The following TCF7 variants were observed in gnomAD, a reference collection of about 807,000 sequenced individuals.
TCF7 encodes T-cell-factor-7.
In TCF7, 19 loss-of-function variants were observed where a neutral mutation model predicts 46.8. The ratio of observed to expected loss-of-function variants is 0.41; its 90% CI spans 0.28 to 0.60. The LOEUF (loss-of-function observed/expected upper bound fraction) is 0.60, where lower values mean the gene tolerates loss of function less well. TCF7 is among the 20% of genes least tolerant of loss of function. The probability of loss-of-function intolerance (pLI) is 0.35; values close to 1 mark genes in which losing one functional copy is unlikely to be tolerated. For synonymous variants in TCF7, 245 were observed against 213.4 expected (o/e 1.15, Z -1.29); for missense variants, 547 against 504.6 (o/e 1.08, Z -0.81).
At chr5:134,115,838 C>G (rs541451667) in intron 2 of TCF7, 71 bp from the exon 3 acceptor site, 57 of 1,603,614 alleles carry the variant, frequency 3.6e-5, no homozygotes, top group Admixed American at 6.9e-5. Context: ...CTTTTTCTCT[C>G]AAGAGCAGAC....
chr5:134,114,732 T>A lies in TCF7; in HGVS notation c.-175T>A, dbSNP rs2149260296. 1.9e-6 allele frequency: 1 copy of A among 538,202 alleles called. No homozygotes were observed. The highest frequency in any genetic ancestry group is 2.2e-5 in the African/African-American group (1 of 45,650). 33.3% of individuals were successfully genotyped at this position (538,202 alleles called of 1,614,324 possible). On this transcript the variant is annotated 5_prime_UTR_variant, in exon 1 of 10. Transcript: ENST00000342854. ...CCGACCCGCCAGCTCGCGGAGCCGC[T>A]CTGCCCCGCGCCCTAGCCCGCGCCT...
chr5:134,127,734 A>G (rs2149306273), intron 3 of TCF7, among the ~76,000 whole-genome samples: 1 of 152,222 alleles, frequency 6.6e-6, no homozygotes, highest in African/African-American at 2.4e-5. Flanking sequence ...GCCGCCTCCC[A>G]TCCTCTCTGG....
At chr5:134,110,773 T>G (rs762233334), upstream of TCF7, among the ~76,000 whole-genome samples, 37 of 152,258 alleles carry the variant, frequency 2.4e-4, no homozygotes, top group Non-Finnish European at 4.0e-4. Context: ...AGACGTTTTC[T>G]GGAAATGCCA....
chr5:134,111,486 GTA>G (rs757528005), upstream of TCF7, among the ~76,000 whole-genome samples: 27 of 152,116 alleles, frequency 1.8e-4, no homozygotes, highest in Non-Finnish European at 3.8e-4. Flanking sequence ...TATCATCTGT[GTA>G]TGTGATCTGA....
At chr5:134,126,888 C>CTCTA (rs1757420752) in intron 3 of TCF7, among the ~76,000 whole-genome samples, 2 of 149,270 alleles carry the variant, frequency 1.3e-5, no homozygotes. Flanking sequence ...CAGAGCTAGA[C>CTCTA]TCTATCTCAA....
intron 3 of TCF7, among the ~76,000 whole-genome samples, chr5:134,133,662 G>A (rs772594110): frequency 6.6e-6 from 1 of 152,134 alleles, no homozygotes; most frequent in Non-Finnish European, 1.5e-5. Context: ...CATGAATGTG[G>A]GAGGGACTGG....
chr5:134,144,998 C>A, intron 9 of TCF7: 1 of 795,348 alleles, frequency 1.3e-6, no homozygotes, highest in Non-Finnish European at 2.2e-6. Context: ...AGATTGGGAG[C>A]CCAGGCCTCC....
At chr5:134,144,158 C>T (rs917780688) in intron 9 of TCF7, 1 of 161,322 alleles carries the variant, frequency 6.2e-6, no homozygotes, top group African/African-American at 2.4e-5. Context: ...GGCCTCCTTC[C>T]TAAGGGTGAA....
rs140698692 is a variant in TCF7 at position 134,142,597 on chromosome 5, G to A, written c.756-124G>A. 1.3e-4 allele frequency: 165 copies of A among 1,313,094 alleles called. No homozygotes were observed. In the East Asian group the frequency reaches 3.9e-3, roughly 31 times the overall value. 81.3% of individuals were successfully genotyped at this position (1,313,094 alleles called of 1,614,324 possible). Reference sequence around the variant, plus strand: ...CACCCATTTGGGGGCAGCTAGGAAAGATTCCACTTAGAAAACTCTGGTATC... The same window carrying A: ...CACCCATTTGGGGGCAGCTAGGAAAAATTCCACTTAGAAAACTCTGGTATC... On this transcript the variant is annotated intron_variant, in intron 6 of 9. Transcript: ENST00000342854.
At chr5:134,145,596 AC>A in intron 9 of TCF7, 2 of 821,844 alleles carry the variant, frequency 2.4e-6, no homozygotes, top group African/African-American at 1.7e-5. Flanking sequence ...TCTAAGGAAC[AC>A]TTGTCCAGCC....
At chr5:134,124,863 T>C (rs779407376) in intron 3 of TCF7, among the ~76,000 whole-genome samples, 5 of 152,166 alleles carry the variant, frequency 3.3e-5, no homozygotes, top group Non-Finnish European at 5.9e-5. Context: ...CACTCCACCA[T>C]GTCTGAGCTG....
At chr5:134,122,265 T>C (rs1756696261) in intron 3 of TCF7, among the ~76,000 whole-genome samples, 1 of 152,048 alleles carries the variant, frequency 6.6e-6, no homozygotes, top group Admixed American at 6.5e-5. Context: ...GGTTTGCCCC[T>C]CCTCTGGAAA....
At chr5:134,144,621 T>C (rs1760399665) in intron 9 of TCF7, 1 of 599,074 alleles carries the variant, frequency 1.7e-6, no homozygotes. Context: ...GGCTCTGGGC[T>C]CTTGGGCTCC....
Position 134,142,856 on chromosome 5 carries a change from T to C in TCF7, c.891T>C (p.Ala297=). The C allele has an allele frequency of 6.2e-7, 1 of 1,614,078 alleles. No individual in the cohort carries two copies. The highest frequency in any genetic ancestry group is 8.5e-7 in the Non-Finnish European group (1 of 1,179,944). The change falls in exon 7 of 10, where the codon GCT becomes GCC. Residue 297 remains alanine, a synonymous_variant. Coordinates refer to ENST00000342854, the MANE Select transcript of TCF7 (RefSeq NM_003202.5). The stretch of plus-strand genomic sequence containing the variant: ...CAGAGTGCACACTTAAGGAGAGCGC[T>C]GCCATCAACCAGATCCTGGGCCGCA... ...VIAECTLKES[A]AINQILGRRW... is the part of the protein sequence containing the mutation.
intron 3 of TCF7, among the ~76,000 whole-genome samples, chr5:134,126,766 A>C (rs917516495): frequency 6.6e-6 from 1 of 152,078 alleles, no homozygotes; most frequent in South Asian, 2.1e-4. Context: ...GTGCGGTGGC[A>C]CACGCCTGTA....
intron 5 of TCF7, chr5:134,140,981 T>TGTTA (rs1315774162): frequency 1.2e-5 from 4 of 324,814 alleles, no homozygotes; most frequent in African/African-American, 2.2e-5. Context: ...GCTTGCCCTG[T>TGTTA]GTTAGTCGTT....
At chr5:134,123,480 A>AG in intron 3 of TCF7, 1 of 332,488 alleles carries the variant, frequency 3.0e-6, no homozygotes. Flanking sequence ...GAGGAGGGAG[A>AG]GGCCAGTGGG....
intron 2 of TCF7, chr5:134,115,675 G>A: frequency 2.1e-6 from 3 of 1,432,220 alleles, no homozygotes; most frequent in Non-Finnish European, 2.7e-6. Flanking sequence ...ATTGGCCAAG[G>A]TTTCTTGGTT....
At chr5:134,140,578 G>A (rs575987084) in intron 5 of TCF7, 120 of 340,824 alleles carry the variant, frequency 3.5e-4, no homozygotes, top group Admixed American at 2.5e-4. Flanking sequence ...TGCTAAGCTG[G>A]GTCCCAGGAG....
Sources: allele counts gnomAD v4.1 joint callset (sites outside exome capture counted in the v4.1 genomes callset), GRCh38; gene constraint gnomAD v4.1.1; transcripts MANE v1.5; gene names NCBI Gene and HGNC (gene_info 2026-07-23, HGNC 2026-07-21).